Variants in CACNA1C observed in about 807,000 individuals in gnomAD.
CACNA1C encodes the protein calcium voltage-gated channel subunit alpha1 C.
In CACNA1C, 30 loss-of-function variants were observed where a neutral mutation model predicts 229.0. That is an observed-to-expected ratio of 0.13 (90% confidence interval 0.10 to 0.18). The LOEUF (loss-of-function observed/expected upper bound fraction) is 0.18, where lower values mean the gene tolerates loss of function less well. Among genes scored for constraint, CACNA1C ranks in the 10% least tolerant of loss-of-function variants. CACNA1C has a pLI of 1.00. For missense variants in CACNA1C, 1,658 were observed against 2,845.0 expected, an observed-to-expected ratio of 0.58 and a Z score of 9.49; for synonymous variants, 1,114 against 1,132.5, an observed-to-expected ratio of 0.98 and a Z score of 0.33.
chr12:2,578,288 G>A (rs2059300526), intron 13 of CACNA1C, among the ~76,000 whole-genome samples: 1 of 152,228 alleles, frequency 6.6e-6, no homozygotes, highest in Non-Finnish European at 1.5e-5. Context: ...CGGACGGACA[G>A]CAGCATGGCC....
intron 9 of CACNA1C, among the ~76,000 whole-genome samples, chr12:2,518,678 G>A (rs1182133227): frequency 6.6e-6 from 1 of 151,808 alleles, no homozygotes; most frequent in Non-Finnish European, 1.5e-5. Context: ...ACAATCCCAT[G>A]TCATGGCACA....
intron 13 of CACNA1C, among the ~76,000 whole-genome samples, chr12:2,572,305 CCT>C (rs2055002534): frequency 6.7e-6 from 1 of 149,090 alleles, no homozygotes; most frequent in Non-Finnish European, 1.5e-5. Context: ...TATTCCTCCT[CCT>C]CCTCCTCCTC....
At position 2,053,552 on chromosome 12, in the gene CACNA1C, A is replaced by G. The variant is rs1378916497; in HGVS notation, c.-11A>G. The G allele has an allele frequency of 6.3e-7, 1 of 1,588,114 alleles. No individual in the cohort carries two copies. The highest frequency in any genetic ancestry group is 1.3e-5 in the African/African-American group (1 of 74,212). ...CGTGGCTGCTCCTCCTATTAAAACC[A>G]TTTTTGGTCCATGGTCAATGAGAAT... On this transcript the variant is annotated 5_prime_UTR_variant, in exon 1 of 47. Coordinates refer to ENST00000399655, the MANE Select transcript of CACNA1C (RefSeq NM_000719.7). The surrounding 1 kb of genome is among the most constrained non-coding windows in gnomAD (Gnocchi z 5.8).
intron 3 of CACNA1C, among the ~76,000 whole-genome samples, chr12:2,315,393 C>T (rs896008302): frequency 6.6e-6 from 1 of 152,202 alleles, no homozygotes; most frequent in Non-Finnish European, 1.5e-5. Context: ...GAACCAGCCT[C>T]CATCAGCTAG....
In CACNA1C at chr12:2,608,479, G is replaced by T. The variant is rs190441889; in HGVS notation, c.3357-32G>T. 1.3e-6 allele frequency: 2 copies of T among 1,558,392 alleles called. No homozygotes were observed. The highest frequency in any genetic ancestry group is 1.8e-5 in the Admixed American group (1 of 54,810). ...CCGCAGAGGGGACCCTGCTTCTCCA[G>T]TTCCCTCTGTGGGACCTGTCTCCTC... On this transcript the variant is annotated intron_variant, in intron 26 of 46. Coordinates refer to ENST00000399655, the MANE Select transcript of CACNA1C (RefSeq NM_000719.7). The surrounding 1 kb of genome is among the most constrained non-coding windows in gnomAD (Gnocchi z 4.2).
intron 32 of CACNA1C, among the ~76,000 whole-genome samples, chr12:2,652,046 G>T (rs1440664698): frequency 1.3e-5 from 2 of 152,146 alleles, no homozygotes; most frequent in Non-Finnish European, 2.9e-5. Context: ...TTTAACCATC[G>T]TTTATGTCTT....
chr12:2,426,512 A>G (rs2099033800), intron 3 of CACNA1C, among the ~76,000 whole-genome samples: 1 of 152,222 alleles, frequency 6.6e-6, no homozygotes, highest in Non-Finnish European at 1.5e-5. Flanking sequence ...GAAAGGCAGT[A>G]GAAGGGTTTA....
rs79608383 is a variant in CACNA1C at position 2,108,829 on chromosome 12, T to C, written c.50-6395T>C. Among the ~76,000 whole-genome samples the C allele has an allele frequency of 0.022, 3,333 of 152,328 alleles. 111 individuals carry two copies. Among genetic ancestry groups the C allele is most frequent in the African/African-American group, 0.075 (3,124 of 41,560 alleles). ...GATTAATGGCCCAGCTTTCTAGTCA[T>C]TGGGCCTTTAGTGGGTGGAGAAAGT... On this transcript the variant is annotated intron_variant, in intron 1 of 46. Transcript: ENST00000399655. The surrounding 1 kb of genome is among the most constrained non-coding windows in gnomAD (Gnocchi z 5.3).
intron 3 of CACNA1C, among the ~76,000 whole-genome samples, chr12:2,430,203 A>G (rs2099068975): frequency 6.6e-6 from 1 of 152,126 alleles, no homozygotes; most frequent in African/African-American, 2.4e-5. Flanking sequence ...CACCTCCCAA[A>G]GGCCCCACCT....
chr12:2,397,418 G>A (rs1439891860), intron 3 of CACNA1C, among the ~76,000 whole-genome samples: 2 of 152,220 alleles, frequency 1.3e-5, no homozygotes, highest in Non-Finnish European at 2.9e-5. Context: ...TCACTCCAGG[G>A]CAATTATTCA....
At chr12:2,174,891 A>T in intron 3 of CACNA1C, among the ~76,000 whole-genome samples, 1 of 152,224 alleles carries the variant, frequency 6.6e-6, no homozygotes, top group East Asian at 1.9e-4. Context: ...CATTAAGTGG[A>T]AGTGAACCAT....
chr12:2,025,860 A>G (rs727528), intron 1 of CACNA1C, among the ~76,000 whole-genome samples: 88,116 of 152,130 alleles, frequency 0.58, 26,088 homozygotes, highest in East Asian at 0.81. Context: ...TTTATCAGTT[A>G]TTTACTAGGA....
At chr12:2,271,071 G>A (rs774642013) in intron 3 of CACNA1C, among the ~76,000 whole-genome samples, 170 of 152,242 alleles carry the variant, frequency 1.1e-3, no homozygotes, top group Middle Eastern at 3.4e-3. Context: ...CCTCTTCTGA[G>A]TCCCACAGGG....
At chr12:2,379,037 T>C (rs2098160586) in intron 3 of CACNA1C, among the ~76,000 whole-genome samples, 1 of 152,208 alleles carries the variant, frequency 6.6e-6, no homozygotes, top group Admixed American at 6.5e-5. Context: ...TTTCTTTTTG[T>C]TGTTTACTCA....
At chr12:2,299,446 A>C (rs2094379801) in intron 3 of CACNA1C, among the ~76,000 whole-genome samples, 1 of 151,858 alleles carries the variant, frequency 6.6e-6, no homozygotes, top group South Asian at 2.1e-4. Context: ...ATGCTCAGGG[A>C]GTGTTTGCCA....
At chr12:2,024,510 G>A (rs892562678) in intron 1 of CACNA1C, among the ~76,000 whole-genome samples, 2 of 152,134 alleles carry the variant, frequency 1.3e-5, no homozygotes, top group African/African-American at 4.8e-5. Context: ...GGCCCATGAT[G>A]GCTTCCCACT....
At chr12:2,528,197 G>A (rs531561943) in intron 9 of CACNA1C, among the ~76,000 whole-genome samples, 32 of 152,232 alleles carry the variant, frequency 2.1e-4, no homozygotes, top group African/African-American at 5.5e-4. Context: ...CAGACTTCAC[G>A]GCCCCACTTG....
chr12:2,272,094 C>T (rs745986849), intron 3 of CACNA1C, among the ~76,000 whole-genome samples: 2 of 152,150 alleles, frequency 1.3e-5, no homozygotes, highest in Non-Finnish European at 2.9e-5. Flanking sequence ...TCTCTTCCAT[C>T]GAGCTATTGC....
At chr12:2,533,942 C>T (rs755517170) in intron 9 of CACNA1C, among the ~76,000 whole-genome samples, 82 of 152,142 alleles carry the variant, frequency 5.4e-4, no homozygotes, top group Non-Finnish European at 6.3e-4. Context: ...TCCTAATGAA[C>T]GAGCAAAGAA....
Sources: allele counts gnomAD v4.1 joint callset (sites outside exome capture counted in the v4.1 genomes callset), GRCh38; gene constraint gnomAD v4.1.1; non-coding constraint Gnocchi (gnomAD v3.1); transcripts MANE v1.5; gene names NCBI Gene and HGNC (gene_info 2026-07-23, HGNC 2026-07-21).